The following NAV1 variants were observed in gnomAD, a reference collection of about 807,000 sequenced individuals.
NAV1 encodes the protein pore membrane and/or filament interacting like protein 3.
In NAV1, 18 loss-of-function variants were observed where a neutral mutation model predicts 175.2. The ratio of observed to expected loss-of-function variants is 0.10; its 90% CI spans 0.07 to 0.15. NAV1 has a LOEUF of 0.15. Ranked by LOEUF, NAV1 falls within the 10% of genes least tolerant of loss-of-function variation. The pLI is 1.00. For missense variants in NAV1, 1,731 were observed against 2,436.6 expected, an observed-to-expected ratio of 0.71 and a Z score of 6.10; for synonymous variants, 897 against 978.7, an observed-to-expected ratio of 0.92 and a Z score of 1.56.
At chr1:201,690,723 G>A (rs11581804) in intron 1 of NAV1, among the ~76,000 whole-genome samples, 41,666 of 148,060 alleles carry the variant, frequency 0.28, 6,163 homozygotes, top group Admixed American at 0.42. Context: ...TGGCCTGTCC[G>A]TGGCAGAGTG....
At chr1:201,608,123 C>T (rs1667741307) in intron 2 of NAV1, among the ~76,000 whole-genome samples, 1 of 152,062 alleles carries the variant, frequency 6.6e-6, no homozygotes, top group Non-Finnish European at 1.5e-5. Flanking sequence ...AAACATTCTC[C>T]ACACATTATT....
At chr1:201,645,073 A>G (rs952948341), upstream of NAV1, among the ~76,000 whole-genome samples, 3 of 152,292 alleles carry the variant, frequency 2.0e-5, no homozygotes, top group Middle Eastern at 3.4e-3. Flanking sequence ...AGGATTATAA[A>G]TCATGCTGCT....
At chr1:201,804,764 T>G (rs1321860896) in intron 17 of NAV1, among the ~76,000 whole-genome samples, 1 of 152,124 alleles carries the variant, frequency 6.6e-6, no homozygotes, top group Non-Finnish European at 1.5e-5. Context: ...CCCTACTATC[T>G]TCCCCTGTTA....
At position 201,740,210 on chromosome 1, in the gene NAV1, C is replaced by A; in HGVS notation, c.1226+21455C>A. 1.3e-6 allele frequency: 1 copy of A among 744,356 alleles called. No individual in the cohort carries two copies. Among genetic ancestry groups the A allele is most frequent in the South Asian group, 2.3e-5 (1 of 43,762 alleles). 46.1% of individuals were successfully genotyped at this position (744,356 alleles called of 1,614,324 possible). On this transcript the variant is annotated intron_variant, in intron 3 of 29. Coordinates refer to ENST00000367296, the Ensembl canonical transcript of NAV1. The surrounding 1 kb of genome is among the most constrained non-coding windows in gnomAD (Gnocchi z 4.7). Reference sequence around the variant, plus strand: ...TCAGGGGCAGTGGGTGTGGGGTCCGCAAGAAGGAGGGTCTTGGCCGCGCTC... The same window carrying A: ...TCAGGGGCAGTGGGTGTGGGGTCCGAAAGAAGGAGGGTCTTGGCCGCGCTC...
chr1:201,762,925 T>C (rs1346106722), intron 3 of NAV1, among the ~76,000 whole-genome samples: 2 of 152,048 alleles, frequency 1.3e-5, no homozygotes, highest in Non-Finnish European at 2.9e-5. Context: ...AAATCAAATA[T>C]CATTTTCATC....
At chr1:201,649,567 G>GCCCATCA in intron 1 of NAV1, 142 bp downstream of exon 5, 2 of 1,345,958 alleles carry the variant, frequency 1.5e-6, no homozygotes, top group Non-Finnish European at 2.0e-6. Context: ...GATGGGCATT[G>GCCCATCA]CGCCCAGATG....
At chr1:201,589,004 C>T (rs1232881662) in intron 2 of NAV1, among the ~76,000 whole-genome samples, 2 of 152,132 alleles carry the variant, frequency 1.3e-5, no homozygotes. Context: ...CACACCACCA[C>T]GCCCAGCTCA....
intron 1 of NAV1, among the ~76,000 whole-genome samples, chr1:201,560,244 TTAAGG>T (rs1261073946): frequency 3.3e-5 from 5 of 152,212 alleles, no homozygotes; most frequent in African/African-American, 1.2e-4. Context: ...GTAAAACCCA[TTAAGG>T]ATCTTGGGTG....
chr1:201,727,166 C>T (rs1672642810), intron 3 of NAV1, among the ~76,000 whole-genome samples: 1 of 152,182 alleles, frequency 6.6e-6, no homozygotes, highest in Non-Finnish European at 1.5e-5. Context: ...ATCATACATG[C>T]TCAACAAATG....
rs1429504948 is a variant in NAV1, at chr1:201,808,164, G to A, written c.3845+15G>A. On this transcript the variant is annotated intron_variant, in intron 18 of 29. Coordinates refer to ENST00000367296, the Ensembl canonical transcript of NAV1. The surrounding 1 kb of genome is among the most constrained non-coding windows in gnomAD (Gnocchi z 5.5). ...GATGTCACCGAGTAAGTGCTCTTTG[G>A]CTCCCTGCCACCCAGCCTGTTACCA... is the stretch of plus-strand genomic sequence containing the variant. The A allele has an allele frequency of 6.2e-7, 1 of 1,613,350 alleles. No individual in the cohort carries two copies. The highest frequency in any genetic ancestry group is 1.7e-5 in the Admixed American group (1 of 59,956).
At chr1:201,545,368 TTTTAA>T (rs1181199180) in intron 1 of NAV1, among the ~76,000 whole-genome samples, 1 of 151,746 alleles carries the variant, frequency 6.6e-6, no homozygotes, top group Non-Finnish European at 1.5e-5. Context: ...TTCTTTTTTT[TTTTAA>T]TTAATTTATT....
chr1:201,737,001 T>C (rs576863460), intron 3 of NAV1, among the ~76,000 whole-genome samples: 3 of 151,758 alleles, frequency 2.0e-5, no homozygotes, highest in African/African-American at 7.3e-5. Context: ...ACCTCCACTG[T>C]AGTCAAGACA....
chr1:201,780,555 T>C, exon 4 of NAV1: 3 of 1,614,102 alleles, frequency 1.9e-6, no homozygotes, highest in Non-Finnish European at 1.7e-6. Flanking sequence ...AACTCAACAA[T>C]AGTGGTACGT....
intron 2 of NAV1, among the ~76,000 whole-genome samples, chr1:201,605,779 G>C (rs912197234): frequency 6.6e-6 from 1 of 152,196 alleles, no homozygotes; most frequent in Non-Finnish European, 1.5e-5. Flanking sequence ...TGCATCTAGG[G>C]GAGGGCTAAG....
chr1:201,813,278 C>T lies in NAV1; in HGVS notation c.5340+20C>T, dbSNP rs1341766449. On this transcript the variant is annotated intron_variant, in intron 28 of 29. Transcript: ENST00000367296. This position sits in a 1 kb window ranked among gnomAD's most constrained non-coding sequence, Gnocchi z 4.2. Reference sequence around the variant, plus strand: ...ATAAAGGTGAGCCCTACCCCCTTCACTCAAACCCTAAGATCAGGCTGTCCT... The same window carrying T: ...ATAAAGGTGAGCCCTACCCCCTTCATTCAAACCCTAAGATCAGGCTGTCCT... 3.3e-6 allele frequency: 5 copies of T among 1,496,136 alleles called. No homozygotes were observed. The highest frequency in any genetic ancestry group is 4.6e-6 in the Non-Finnish European group (5 of 1,075,834). 92.7% of individuals were successfully genotyped at this position (1,496,136 alleles called of 1,614,324 possible).
intron 1 of NAV1, among the ~76,000 whole-genome samples, chr1:201,549,914 G>A (rs1401618527): frequency 6.6e-6 from 1 of 150,380 alleles, no homozygotes; most frequent in African/African-American, 2.4e-5. Flanking sequence ...GGGAGGCTGA[G>A]GCAGGAGAAT....
At position 201,807,008 on chromosome 1, in the gene NAV1, C is replaced by A. The variant is rs1264900371; in HGVS notation, c.3649-945C>A. ...TTGACCCCTCCTTTACTCTCTGCCT[C>A]TTGCTGCCATTTCATATCTGTGTCC... is the stretch of plus-strand genomic sequence containing the variant. On this transcript the variant is annotated intron_variant, in intron 17 of 29. Coordinates refer to ENST00000367296, the Ensembl canonical transcript of NAV1. The surrounding 1 kb of genome is among the most constrained non-coding windows in gnomAD (Gnocchi z 5.4). Among the ~76,000 whole-genome samples, 1 of 152,080 alleles carries A rather than the reference C, an allele frequency of 6.6e-6. No individual in the cohort carries two copies. Among genetic ancestry groups the A allele is most frequent in the Non-Finnish European group, 1.5e-5 (1 of 68,022 alleles).
intron 1 of NAV1, among the ~76,000 whole-genome samples, chr1:201,680,701 A>G (rs1670432192): frequency 6.7e-6 from 1 of 149,856 alleles, no homozygotes; most frequent in South Asian, 2.1e-4. Flanking sequence ...GAGGGGACAG[A>G]ACAGCCAAAC....
intron 1 of NAV1, among the ~76,000 whole-genome samples, chr1:201,712,269 A>G (rs1671938376): frequency 2.0e-5 from 3 of 152,192 alleles, no homozygotes; most frequent in Admixed American, 2.0e-4. Context: ...CCCAGAGCCA[A>G]TTGTTAGCCC....
Sources: allele counts gnomAD v4.1 joint callset (sites outside exome capture counted in the v4.1 genomes callset), GRCh38; gene constraint gnomAD v4.1.1; non-coding constraint Gnocchi (gnomAD v3.1); transcripts MANE v1.5; gene names NCBI Gene and HGNC (gene_info 2026-07-23, HGNC 2026-07-21).